Variants in FAT4 observed in about 807,000 individuals in gnomAD.
FAT4 encodes protocadherin Fat 4.
Under a neutral mutation model 303.9 loss-of-function variants are expected in FAT4, and 84 were observed. The ratio of observed to expected loss-of-function variants is 0.28; its 90% CI spans 0.23 to 0.33. The LOEUF (loss-of-function observed/expected upper bound fraction) is 0.33. FAT4 is among the 10% of genes least tolerant of loss of function. The pLI is 1.00. For synonymous variants in FAT4, 2,307 were observed against 2,298.8 expected (o/e 1.00, Z -0.10); for missense variants, 6,005 against 6,146.8 (o/e 0.98, Z 0.77).
chr4:125,455,443 T>C (rs1177780663), intron 10 of FAT4, among the ~76,000 whole-genome samples: 1 of 152,220 alleles, frequency 6.6e-6, no homozygotes, highest in Non-Finnish European at 1.5e-5. Flanking sequence ...TAATAACATT[T>C]ATCAAGCAGT....
chr4:125,491,716 C>T lies in FAT4; in HGVS notation c.14900C>T (p.Ala4967Val), dbSNP rs369517938. The change falls in exon 18 of 18, where the codon GCT becomes GTT. Residue 4967 changes from alanine to valine, a missense_variant. Physicochemically the swap from Ala to Val is moderately conservative, Grantham distance 64 (BLOSUM62 0). Coordinates refer to ENST00000394329, the MANE Select transcript of FAT4 (RefSeq NM_001291303.3). ...EKAAANEEGK[A>V]GTTKPVPKDG... ...GCAGCAGCAAATGAAGAAGGCAAAG[C>T]TGGGACAACTAAACCAGTCCCCAAA... 6.8e-6 allele frequency: 11 copies of T among 1,613,954 alleles called. No homozygotes were observed. The African/African-American group carries it at 1.5e-4, about 22-fold the overall frequency.
At position 125,320,597 on chromosome 4, in the gene FAT4, G is replaced by A. The variant is rs988028314; in HGVS notation, c.4186G>A (p.Gly1396Arg). Reference sequence around the variant, plus strand: ...ATTAAATATAACAGCAAAAGACCAAGGAAGACCTCCTCGTTCATCTACAAT... The same window carrying A: ...ATTAAATATAACAGCAAAAGACCAAAGAAGACCTCCTCGTTCATCTACAAT... The part of the protein sequence containing the change: ...YKLNITAKDQ[G>R]RPPRSSTMSV... Residue 1396 changes from glycine to arginine, a missense_variant, in exon 2 of 18, where the codon GGA (glycine) becomes AGA (arginine). Coordinates refer to ENST00000394329, the MANE Select transcript of FAT4 (RefSeq NM_001291303.3). 6.2e-7 allele frequency: 1 copy of A among 1,614,098 alleles called. No homozygotes were observed. Among genetic ancestry groups the A allele is most frequent in the Admixed American group, 1.7e-5 (1 of 60,022 alleles).
chr4:125,479,817 C>A lies in FAT4; in HGVS notation c.12556C>A (p.Gln4186Lys). The A allele has an allele frequency of 6.2e-7, 1 of 1,602,638 alleles. No individual in the cohort carries two copies. The highest frequency in any genetic ancestry group is 8.5e-7 in the Non-Finnish European group (1 of 1,171,812). ...GGTCMDYWSW[Q>K]QCHCKEGLTG... The stretch of plus-strand genomic sequence containing the variant: ...CACATGTATGGATTACTGGTCATGG[C>A]AGCAGTGTCATTGCAAAGAGGGACT... The change falls in exon 15 of 18, where the codon CAG becomes AAG. Residue 4186 changes from glutamine to lysine, a missense_variant. Physicochemically the swap from Gln to Lys is moderately conservative, Grantham distance 53 (BLOSUM62 1). Transcript: ENST00000394329.
intron 5 of FAT4, among the ~76,000 whole-genome samples, chr4:125,409,192 C>T (rs952251185): frequency 2.0e-5 from 3 of 151,628 alleles, no homozygotes; most frequent in African/African-American, 7.3e-5. Flanking sequence ...AAACCAAAGA[C>T]TTAAGTAAAA....
chr4:125,371,718 A>G (rs1733120361), intron 2 of FAT4, among the ~76,000 whole-genome samples: 2 of 150,584 alleles, frequency 1.3e-5, no homozygotes, highest in African/African-American at 4.8e-5. Context: ...ATCTTAATTA[A>G]TATATAAATA....
chr4:125,357,416 T>C (rs192492178), intron 2 of FAT4, among the ~76,000 whole-genome samples: 11 of 152,268 alleles, frequency 7.2e-5, no homozygotes, highest in Admixed American at 7.2e-4. Flanking sequence ...GGGATAGATT[T>C]ATACCTTAAC....
Position 125,434,276 on chromosome 4 carries a change from C to T in FAT4, c.7050C>T (p.Ile2350=). The T allele has an allele frequency of 6.2e-7, 1 of 1,613,804 alleles. No homozygotes were observed. The highest frequency in any genetic ancestry group is 8.5e-7 in the Non-Finnish European group (1 of 1,179,860). ...GSPALTGTGT[I]NVIVDDVNDN... ...CTGCCTTGACTGGAACTGGAACAAT[C>T]AACGTCATAGTAGATGATGTCAATG... is the stretch of plus-strand genomic sequence containing the variant. The change falls in exon 8 of 18, where the codon ATC becomes ATT. Residue 2350 remains isoleucine (I), a synonymous_variant. Coordinates refer to ENST00000394329, the MANE Select transcript of FAT4 (RefSeq NM_001291303.3).
chr4:125,315,054 C>CTG lies in FAT4; in HGVS notation c.-921_-920dup, dbSNP rs147797766. ...CCTCTGTTTGTGTTTCGGCGACGCG[C>CTG]TGTGTGTGTGTGTGTGCGTGTGTAT... is the stretch of plus-strand genomic sequence containing the variant. On this transcript the variant is annotated 5_prime_UTR_variant, in exon 1 of 18. Coordinates refer to ENST00000394329, the MANE Select transcript of FAT4 (RefSeq NM_001291303.3). 2.3e-4 allele frequency among the ~76,000 whole-genome samples: 35 copies of CTG among 151,036 alleles called. No individual in the cohort carries two copies. Among genetic ancestry groups the CTG allele is most frequent in the Middle Eastern group, 7.0e-3 (2 of 286 alleles).
At chr4:125,408,189 A>T (rs1734695609) in intron 4 of FAT4, among the ~76,000 whole-genome samples, 1 of 152,136 alleles carries the variant, frequency 6.6e-6, no homozygotes, top group Non-Finnish European at 1.5e-5. Context: ...ATAACATCAG[A>T]TATATTATTA....
intron 8 of FAT4, among the ~76,000 whole-genome samples, chr4:125,435,134 T>A (rs1292787425): frequency 6.6e-6 from 1 of 152,250 alleles, no homozygotes; most frequent in Non-Finnish European, 1.5e-5. Context: ...CTTCATTTAG[T>A]AAATGTATTT....
intron 2 of FAT4, among the ~76,000 whole-genome samples, chr4:125,374,507 C>T (rs28709595): frequency 2.0e-5 from 3 of 152,166 alleles, no homozygotes; most frequent in African/African-American, 7.2e-5. Context: ...ATAGGATTCA[C>T]GTCCTTATTC....
At chr4:125,448,314 A>C in intron 9 of FAT4, 147 bp from the exon 10 acceptor site, 1 of 710,786 alleles carries the variant, frequency 1.4e-6, no homozygotes, top group Non-Finnish European at 2.2e-6. Flanking sequence ...ACCTCGGAGA[A>C]AATATAGGAG....
chr4:125,371,743 A>G (rs1733121706), intron 2 of FAT4, among the ~76,000 whole-genome samples: 1 of 151,110 alleles, frequency 6.6e-6, no homozygotes, highest in Non-Finnish European at 1.5e-5. Context: ...TAAGAAATAT[A>G]TAAATTGAAT....
At chr4:125,342,328 G>A (rs539329843) in intron 2 of FAT4, among the ~76,000 whole-genome samples, 3 of 152,028 alleles carry the variant, frequency 2.0e-5, no homozygotes, top group Admixed American at 2.0e-4. Flanking sequence ...ATTTTTGAAA[G>A]TAAAATTTTT....
At position 125,317,330 on chromosome 4, in the gene FAT4, G is replaced by C. The variant is rs1256720203; in HGVS notation, c.919G>C (p.Val307Leu). Residue 307 changes from valine to leucine, a missense_variant, in exon 2 of 18, where the codon GTG becomes CTG. Val to Leu is a conservative substitution (Grantham distance 32). Transcript: ENST00000394329. The surrounding 1 kb of genome is among the most constrained non-coding windows in gnomAD (Gnocchi z 7.0). ...GGACCCTGAGACGGGACTTATCACG[G>C]TGCGGGAGCCCCTGGACTTCGAAGC... ...QMDPETGLITVREPLDFEARR... is the reference protein window; with the variant it reads ...QMDPETGLITLREPLDFEARR... 4.3e-6 allele frequency: 7 copies of C among 1,611,290 alleles called. No homozygotes were observed. The highest frequency in any genetic ancestry group is 5.9e-6 in the Non-Finnish European group (7 of 1,178,524).
intron 2 of FAT4, among the ~76,000 whole-genome samples, chr4:125,392,448 T>G (rs960763855): frequency 6.6e-6 from 1 of 152,194 alleles, no homozygotes; most frequent in Non-Finnish European, 1.5e-5. Context: ...TTTCTGTCTA[T>G]CCTGCCAACT....
chr4:125,440,610 T>TGTGTGAGAGAGAGAGAGA (rs372756130), intron 8 of FAT4, among the ~76,000 whole-genome samples: 87 of 75,750 alleles, frequency 1.1e-3, no homozygotes, highest in Middle Eastern at 0.011. Context: ...TGTGTGTGTG[T>TGTGTGAGAGAGAGAGAGA]GAGAGAGAGA....
At position 125,491,041 on chromosome 4, in the gene FAT4, C is replaced by A. The variant is rs1727616636; in HGVS notation, c.14225C>A (p.Pro4742His). Reference protein sequence around the residue: ...TLEMHGDTCQPGIFNYATRLG... With the variant: ...TLEMHGDTCQHGIFNYATRLG... ...GAAATGCATGGTGACACCTGCCAACCTGGCATTTTCAACTATGCCACAAGG... is the reference window on the plus strand; with the variant it reads ...GAAATGCATGGTGACACCTGCCAACATGGCATTTTCAACTATGCCACAAGG... The change falls in exon 18 of 18, where the codon CCT (proline) becomes CAT (histidine). Residue 4742 changes from proline to histidine, a missense_variant. Coordinates refer to ENST00000394329, the MANE Select transcript of FAT4 (RefSeq NM_001291303.3). The A allele has an allele frequency of 1.9e-6, 3 of 1,614,190 alleles. No homozygotes were observed. Among genetic ancestry groups the A allele is most frequent in the Non-Finnish European group, 2.5e-6 (3 of 1,180,032 alleles).
At chr4:125,454,752 G>T in intron 10 of FAT4, among the ~76,000 whole-genome samples, 1 of 152,164 alleles carries the variant, frequency 6.6e-6, no homozygotes, top group East Asian at 1.9e-4. Flanking sequence ...GGAATTGCTG[G>T]AACCCGGGAG....
Sources: allele counts gnomAD v4.1 joint callset (sites outside exome capture counted in the v4.1 genomes callset), GRCh38; gene constraint gnomAD v4.1.1; non-coding constraint Gnocchi (gnomAD v3.1); transcripts MANE v1.5; gene names NCBI Gene and HGNC (gene_info 2026-07-23, HGNC 2026-07-21).